Variants in PLAAT5 observed in about 807,000 individuals in gnomAD.
PLAAT5 encodes the protein Ca(2+)-independent N-acyltransferase.
In PLAAT5, 27 loss-of-function variants were observed where a neutral mutation model predicts 27.8. The observed-to-expected ratio is 0.97, with a 90% CI of 0.72 to 1.34. The LOEUF is 1.34. Among genes scored for constraint, PLAAT5 ranks in the 40% most tolerant of loss-of-function variants. PLAAT5 has a pLI of 0.00. For missense variants in PLAAT5, 368 were observed against 343.8 expected, an observed-to-expected ratio of 1.07 and a Z score of -0.56; for synonymous variants, 125 against 136.1, an observed-to-expected ratio of 0.92 and a Z score of 0.57.
intron 3 of PLAAT5, among the ~76,000 whole-genome samples, chr11:63,480,928 C>T (rs1389625272): frequency 6.6e-6 from 1 of 152,184 alleles, no homozygotes; most frequent in African/African-American, 2.4e-5. Context: ...AATTCGAAAG[C>T]CTTGTCTTCA....
At chr11:63,486,385 T>A (rs566423794) in intron 3 of PLAAT5, among the ~76,000 whole-genome samples, 1 of 152,236 alleles carries the variant, frequency 6.6e-6, no homozygotes, top group East Asian at 1.9e-4. Flanking sequence ...CCAGCCTAAA[T>A]GACCATCAAC....
At chr11:63,464,050 C>G (rs1368391978) in intron 5 of PLAAT5, among the ~76,000 whole-genome samples, 2 of 152,324 alleles carry the variant, frequency 1.3e-5, no homozygotes, top group Admixed American at 6.5e-5. Flanking sequence ...GCCCTCAGTC[C>G]TTGGGGTCTT....
chr11:63,464,564 G>A (rs1366561153), intron 5 of PLAAT5, among the ~76,000 whole-genome samples: 1 of 152,096 alleles, frequency 6.6e-6, no homozygotes, highest in Non-Finnish European at 1.5e-5. Flanking sequence ...GCTGAAGCAG[G>A]AGAACCGCTT....
rs1056832145 is a variant in PLAAT5 at position 63,490,177 on chromosome 11, G to C, written c.239+66C>G. ...ACCTCTGGGTTTGTTTTACAGAACT[G>C]CATTCCAAGTCAATTCTCCAAAAGA... On this transcript the variant is annotated intron_variant, in intron 2 of 5. Coordinates refer to ENST00000540857, the MANE Select transcript of PLAAT5 (RefSeq NM_001146729.2). 27 of 1,606,886 alleles carry C rather than the reference G, an allele frequency of 1.7e-5. No homozygotes were observed. In the South Asian group the frequency reaches 3.0e-4, roughly 18 times the overall value.
chr11:63,488,393 C>T (rs759349786), intron 3 of PLAAT5, among the ~76,000 whole-genome samples: 5 of 152,068 alleles, frequency 3.3e-5, no homozygotes, highest in Admixed American at 2.0e-4. Flanking sequence ...ATATAGATGT[C>T]AAAATGTATC....
rs374153281 is a variant in PLAAT5, at chr11:63,467,909, G to A, written c.454+448C>T. The stretch of plus-strand genomic sequence containing the variant: ...GCAAGGAGCATGTTGGAACAGCAGC[G>A]AGACAAGGTGAGGACGAAGGTGCCA... On this transcript the variant is annotated intron_variant, in intron 4 of 5. Transcript: ENST00000540857. Among the ~76,000 whole-genome samples the A allele has an allele frequency of 1.2e-4, 18 of 152,348 alleles. 1 individual carries two copies. The highest frequency in any genetic ancestry group is 2.4e-4 in the African/African-American group (10 of 41,578).
chr11:63,491,089 C>A lies in PLAAT5; in HGVS notation c.-55G>T, dbSNP rs1344281462. Reference sequence around the variant, plus strand: ...GCCTTGCAGGGGACTACGCCCCTGGCGAGTTCCCAGTCGGCGCGGCCCCTG... The same window carrying A: ...GCCTTGCAGGGGACTACGCCCCTGGAGAGTTCCCAGTCGGCGCGGCCCCTG... On this transcript the variant is annotated 5_prime_UTR_variant, in exon 1 of 6. Transcript: ENST00000540857. 2 of 1,303,282 alleles carry A rather than the reference C, an allele frequency of 1.5e-6. No homozygotes were observed. Among genetic ancestry groups the A allele is most frequent in the Admixed American group, 3.9e-5 (1 of 25,534 alleles). 80.7% of individuals were successfully genotyped at this position (1,303,282 alleles called of 1,614,324 possible). A position where few individuals can be genotyped will look rare whatever the true frequency, so the allele number is the denominator to read the frequency against.
At chr11:63,475,813 G>T (rs2016139936) in intron 3 of PLAAT5, among the ~76,000 whole-genome samples, 1 of 151,894 alleles carries the variant, frequency 6.6e-6, no homozygotes, top group African/African-American at 2.4e-5. Flanking sequence ...ATTACAATGT[G>T]CATCTTGACT....
chr11:63,483,803 A>G (rs11819810), intron 3 of PLAAT5, among the ~76,000 whole-genome samples: 398 of 27,336 alleles, frequency 0.015, 2 homozygotes, highest in African/African-American at 0.027. Context: ...ATATATATGT[A>G]TATATATATA....
Position 63,471,928 on chromosome 11 carries a change from A to T in PLAAT5, c.346-3463T>A, listed in dbSNP as rs1333226410. Among the ~76,000 whole-genome samples the T allele has an allele frequency of 2.0e-5, 3 of 152,166 alleles. No individual in the cohort carries two copies. The East Asian group carries it at 5.8e-4, about 29-fold the overall frequency. On this transcript the variant is annotated intron_variant, in intron 3 of 5. Coordinates refer to ENST00000540857, the MANE Select transcript of PLAAT5 (RefSeq NM_001146729.2). ...AGCTGGAAGCCGTTATCCTAAGCAA[A>T]CTAACACAGGAACTGAAAACCAAAC... is the stretch of plus-strand genomic sequence containing the variant.
chr11:63,491,038 G>T lies in PLAAT5; in HGVS notation c.-4C>A. On this transcript the variant is annotated 5_prime_UTR_variant, in exon 1 of 6. Coordinates refer to ENST00000540857, the MANE Select transcript of PLAAT5 (RefSeq NM_001146729.2). Reference sequence around the variant, plus strand: ...CGGCGCCCGGGCTCAGGCCCATCCCGCCTCTGCGGCCTCGCCGGCCCCCAG... The same window carrying T: ...CGGCGCCCGGGCTCAGGCCCATCCCTCCTCTGCGGCCTCGCCGGCCCCCAG... 7.0e-7 allele frequency: 1 copy of T among 1,431,788 alleles called. No individual in the cohort carries two copies. Among genetic ancestry groups the T allele is most frequent in the Non-Finnish European group, 9.1e-7 (1 of 1,094,176 alleles). 88.7% of individuals were successfully genotyped at this position (1,431,788 alleles called of 1,614,324 possible). A position where few individuals can be genotyped will look rare whatever the true frequency, so the allele number is the denominator to read the frequency against.
At chr11:63,469,304 G>A (rs1199575772) in intron 3 of PLAAT5, 2 of 228,926 alleles carry the variant, frequency 8.7e-6, no homozygotes, top group African/African-American at 2.3e-5. Flanking sequence ...CCCAGCTTCT[G>A]TGGCCCTGTG....
At chr11:63,463,626 A>T (rs772992737) in intron 5 of PLAAT5, 31 bp from the exon 6 acceptor site, 1 of 1,582,448 alleles carries the variant, frequency 6.3e-7, no homozygotes, top group Admixed American at 1.7e-5. Context: ...CAGGACAATC[A>T]GTACCAATCC....
At chr11:63,487,232 C>T (rs2016457633) in intron 3 of PLAAT5, among the ~76,000 whole-genome samples, 1 of 152,116 alleles carries the variant, frequency 6.6e-6, no homozygotes, top group Non-Finnish European at 1.5e-5. Context: ...TTCTGAAGAA[C>T]TCTCAAAACA....
At chr11:63,482,704 A>T (rs963183469) in intron 3 of PLAAT5, among the ~76,000 whole-genome samples, 4 of 150,124 alleles carry the variant, frequency 2.7e-5, no homozygotes, top group African/African-American at 9.7e-5. Flanking sequence ...ACAATTTTTA[A>T]AAAAAAAGAT....
At chr11:63,464,194 A>G (rs2015792871) in intron 5 of PLAAT5, among the ~76,000 whole-genome samples, 1 of 152,190 alleles carries the variant, frequency 6.6e-6, no homozygotes, top group Non-Finnish European at 1.5e-5. Context: ...AGGTGCAGAA[A>G]GTAAAGGGCA....
At chr11:63,477,264 T>G (rs1038931886) in intron 3 of PLAAT5, among the ~76,000 whole-genome samples, 10 of 152,262 alleles carry the variant, frequency 6.6e-5, no homozygotes, top group African/African-American at 2.2e-4. Context: ...GTCTCATAAT[T>G]TGTTGTTGAA....
intron 3 of PLAAT5, among the ~76,000 whole-genome samples, chr11:63,485,542 CA>C (rs1363128223): frequency 6.6e-6 from 1 of 152,002 alleles, no homozygotes; most frequent in Non-Finnish European, 1.5e-5. Context: ...TCCTATTCAA[CA>C]AAAAATGCTG....
rs71456118 is a variant in PLAAT5 at position 63,479,065 on chromosome 11, A to G, written c.345+9806T>C. Among the ~76,000 whole-genome samples the G allele has an allele frequency of 3.4e-3, 513 of 152,266 alleles. 1 individual carries two copies. The highest frequency in any genetic ancestry group is 6.1e-3 in the Non-Finnish European group (414 of 68,024). On this transcript the variant is annotated intron_variant, in intron 3 of 5. Transcript: ENST00000540857. The stretch of plus-strand genomic sequence containing the variant: ...TGCAGGAGACTTCAAACTGGACTTC[A>G]TTTTCTTTTGCCATAAGCCCAGGGA...
Sources: gnomAD v4.1 joint callset for allele counts (sites outside exome capture counted in the v4.1 genomes callset) on GRCh38, gnomAD v4.1.1 for gene constraint, MANE v1.5 for transcripts, NCBI Gene and HGNC (gene_info 2026-07-23, HGNC 2026-07-21) for gene names.